Variants in COMMD1 observed in about 807,000 individuals in gnomAD.
COMMD1 encodes the protein copper metabolism domain containing 1.
A neutral mutation model predicts 17.2 loss-of-function variants in COMMD1; 10 were observed. That is an observed-to-expected ratio of 0.58 (90% CI 0.36 to 0.99). The LOEUF (loss-of-function observed/expected upper bound fraction) is 0.99. Ranked by LOEUF, COMMD1 falls within the 50% of genes least tolerant of loss-of-function variation. The pLI, the probability that COMMD1 is intolerant of heterozygous loss-of-function variation, is 0.01. For synonymous variants in COMMD1, 97 were observed against 91.6 expected (o/e 1.06, Z -0.34); for missense variants, 270 against 231.8 (o/e 1.17, Z -1.07).
At chr2:62,032,490 C>G (rs1188187049) in intron 2 of COMMD1, among the ~76,000 whole-genome samples, 2 of 152,184 alleles carry the variant, frequency 1.3e-5, no homozygotes, top group East Asian at 3.9e-4. Flanking sequence ...GAGCTATGAT[C>G]ATGCCACCGC....
At chr2:62,008,386 A>G (rs557129919) in intron 2 of COMMD1, among the ~76,000 whole-genome samples, 2 of 150,656 alleles carry the variant, frequency 1.3e-5, no homozygotes, top group Admixed American at 1.3e-4. Flanking sequence ...ACACACACAC[A>G]CACATATATA....
intron 1 of COMMD1, among the ~76,000 whole-genome samples, chr2:61,933,235 A>ATGCTCAGCCGCTTGTATCCACAT (rs1465838563): frequency 2.0e-5 from 3 of 151,072 alleles, no homozygotes; most frequent in Non-Finnish European, 4.4e-5. Flanking sequence ...TGTATCCACA[A>ATGCTCAGCCGCTTGTATCCACAT]TGCTCAGCCG....
Position 61,997,917 on chromosome 2 carries a change from A to G in COMMD1, c.181-2784A>G, listed in dbSNP as rs953483104. ...TCCGATATATGGCTATTTCATCTATATTGAAAACCTTTTGTTTAGTGTAAC... is the reference window on the plus strand; with the variant it reads ...TCCGATATATGGCTATTTCATCTATGTTGAAAACCTTTTGTTTAGTGTAAC... On this transcript the variant is annotated intron_variant, in intron 1 of 2. Transcript: ENST00000311832. 2.0e-5 allele frequency among the ~76,000 whole-genome samples: 3 copies of G among 152,246 alleles called. No homozygotes were observed. The South Asian group carries it at 6.2e-4, about 31-fold the overall frequency.
rs770161106 is a variant in COMMD1, at chr2:62,000,888, G to A, written c.368G>A (p.Ser123Asn). The change falls in exon 2 of 3, where the codon AGC (serine) becomes AAC (asparagine). Residue 123 changes from serine to asparagine, a missense_variant. By Grantham distance (46) the Ser-to-Asn change is conservative. Transcript: ENST00000311832. ...SRWNSGLRGL[S>N]WRVDGKSQSR... Reference sequence around the variant, plus strand: ...TGGAATAGCGGGCTTCGGGGCCTGAGCTGGAGAGTTGATGGCAAGTCTCAG... The same window carrying A: ...TGGAATAGCGGGCTTCGGGGCCTGAACTGGAGAGTTGATGGCAAGTCTCAG... 6.2e-7 allele frequency: 1 copy of A among 1,614,156 alleles called. No homozygotes were observed. Among genetic ancestry groups the A allele is most frequent in the Non-Finnish European group, 8.5e-7 (1 of 1,180,038 alleles).
At chr2:62,091,140 C>T (rs1671814981) in intron 2 of COMMD1, among the ~76,000 whole-genome samples, 1 of 152,138 alleles carries the variant, frequency 6.6e-6, no homozygotes, top group Non-Finnish European at 1.5e-5. Context: ...GGTAAGAGTA[C>T]ATGTTTGTTC....
At chr2:62,042,230 G>T (rs1279879551) in intron 2 of COMMD1, among the ~76,000 whole-genome samples, 1 of 152,030 alleles carries the variant, frequency 6.6e-6, no homozygotes, top group African/African-American at 2.4e-5. Context: ...TCCCCTACCC[G>T]ATTAGCTAGA....
At chr2:62,117,218 C>T (rs769244193) in intron 2 of COMMD1, among the ~76,000 whole-genome samples, 5 of 152,096 alleles carry the variant, frequency 3.3e-5, no homozygotes, top group South Asian at 2.1e-4. Context: ...TTAACTCAGC[C>T]GGGCTGCTGC....
chr2:61,909,966 A>G (rs1572951707), intron 1 of COMMD1, among the ~76,000 whole-genome samples: 1 of 152,040 alleles, frequency 6.6e-6, no homozygotes, highest in African/African-American at 2.4e-5. Context: ...TGGCTTTTGT[A>G]CTGGTTCTGT....
chr2:61,955,868 G>A (rs1341312221), intron 1 of COMMD1, among the ~76,000 whole-genome samples: 3 of 152,052 alleles, frequency 2.0e-5, no homozygotes. Context: ...TGTATTTTTA[G>A]TAAAGACGGG....
chr2:61,942,661 T>A (rs1160729318), intron 1 of COMMD1, among the ~76,000 whole-genome samples: 8 of 148,720 alleles, frequency 5.4e-5, no homozygotes, highest in Non-Finnish European at 8.9e-5. Context: ...TACCTCAGCC[T>A]CCCAAGTAGT....
rs997856043 is a variant in COMMD1, at chr2:62,053,354, T to A, written c.462+52372T>A. Among the ~76,000 whole-genome samples, 3 of 152,080 alleles carry A rather than the reference T, an allele frequency of 2.0e-5. No homozygotes were observed. In the East Asian group the frequency reaches 5.8e-4, roughly 29 times the overall value. ...ATTTATTTGTGGGGTTTTTTTAGTGTCAAATTTTTATTAATAGGGTTTTGT... is the reference window on the plus strand; with the variant it reads ...ATTTATTTGTGGGGTTTTTTTAGTGACAAATTTTTATTAATAGGGTTTTGT... On this transcript the variant is annotated intron_variant, in intron 2 of 2. Coordinates refer to ENST00000311832, the MANE Select transcript of COMMD1 (RefSeq NM_152516.4).
chr2:61,990,521 A>T (rs556892470), intron 1 of COMMD1, among the ~76,000 whole-genome samples: 1 of 152,092 alleles, frequency 6.6e-6, no homozygotes, highest in Non-Finnish European at 1.5e-5. Flanking sequence ...GCCCCTATGG[A>T]TTAGTCAATT....
chr2:62,099,183 G>A (rs1672103643), intron 2 of COMMD1, among the ~76,000 whole-genome samples: 2 of 152,226 alleles, frequency 1.3e-5, no homozygotes, highest in Non-Finnish European at 2.9e-5. Context: ...AGGAGGAGCA[G>A]AAGGGGAGAC....
intron 1 of COMMD1, among the ~76,000 whole-genome samples, chr2:61,925,309 G>A (rs910057152): frequency 2.0e-5 from 3 of 152,052 alleles, no homozygotes; most frequent in African/African-American, 4.8e-5. Flanking sequence ...GAGGTCAGGC[G>A]AGGAAGTTTA....
chr2:62,008,754 C>T (rs903596993), intron 2 of COMMD1, among the ~76,000 whole-genome samples: 1 of 151,828 alleles, frequency 6.6e-6, no homozygotes, highest in Non-Finnish European at 1.5e-5. Flanking sequence ...ATACTTAAAT[C>T]ATTTTAGAAT....
At chr2:62,080,440 G>T (rs900106507) in intron 2 of COMMD1, among the ~76,000 whole-genome samples, 1 of 152,118 alleles carries the variant, frequency 6.6e-6, no homozygotes, top group African/African-American at 2.4e-5. Flanking sequence ...GTGTTTGTTC[G>T]TTGGTGCCTG....
intron 1 of COMMD1, among the ~76,000 whole-genome samples, chr2:61,923,987 G>C (rs559372705): frequency 3.9e-5 from 6 of 152,172 alleles, no homozygotes; most frequent in Non-Finnish European, 8.8e-5. Context: ...ATGTTGCCCA[G>C]GCTGATCTTG....
intron 2 of COMMD1, chr2:62,100,423 A>G (rs776253261): frequency 2.0e-5 from 3 of 152,198 alleles, no homozygotes; most frequent in African/African-American, 7.2e-5. Context: ...GGTCCTGAGA[A>G]CATGTGCCCA....
intron 2 of COMMD1, among the ~76,000 whole-genome samples, chr2:62,038,610 C>T (rs749222132): frequency 6.6e-6 from 1 of 151,914 alleles, no homozygotes; most frequent in Non-Finnish European, 1.5e-5. Flanking sequence ...TACAGTGGCA[C>T]GATCTTGGCT....
Sources: gnomAD v4.1 joint callset for allele counts (sites outside exome capture counted in the v4.1 genomes callset) on GRCh38, gnomAD v4.1.1 for gene constraint, MANE v1.5 for transcripts, NCBI Gene and HGNC (gene_info 2026-07-23, HGNC 2026-07-21) for gene names.